The following LEPR variants were observed in gnomAD, a reference collection of about 807,000 sequenced individuals.
The protein encoded by LEPR is leptin receptor, also known as OB receptor.
In LEPR, 56 loss-of-function variants were observed where a neutral mutation model predicts 114.7. That is an observed-to-expected ratio of 0.49 (90% CI 0.39 to 0.61). The LOEUF (loss-of-function observed/expected upper bound fraction) is 0.61. Among genes scored for constraint, LEPR ranks in the 20% least tolerant of loss-of-function variants. The pLI is 0.00. For missense variants in LEPR, 1,202 were observed against 1,352.9 expected, an observed-to-expected ratio of 0.89 and a Z score of 1.75; for synonymous variants, 443 against 461.4, an observed-to-expected ratio of 0.96 and a Z score of 0.51.
chr1:65,506,100 T>G (rs1648713154), intron 2 of LEPR, among the ~76,000 whole-genome samples: 1 of 152,186 alleles, frequency 6.6e-6, no homozygotes, highest in African/African-American at 2.4e-5. Flanking sequence ...AACTGGAGTC[T>G]GGGAACCATT....
At chr1:65,497,087 G>A (rs928483501) in intron 2 of LEPR, among the ~76,000 whole-genome samples, 2 of 151,806 alleles carry the variant, frequency 1.3e-5, no homozygotes, top group Admixed American at 6.6e-5. Flanking sequence ...ATTTATCTGT[G>A]TATTCACAAA....
intron 2 of LEPR, among the ~76,000 whole-genome samples, chr1:65,551,456 G>A (rs1005624962): frequency 6.6e-6 from 1 of 152,050 alleles, no homozygotes; most frequent in Non-Finnish European, 1.5e-5. Flanking sequence ...ATGGGTCTAG[G>A]AATTTATCCA....
At chr1:65,595,159 C>A (rs1655973718) in intron 6 of LEPR, among the ~76,000 whole-genome samples, 1 of 122,090 alleles carries the variant, frequency 8.2e-6, no homozygotes, top group Non-Finnish European at 1.7e-5. Flanking sequence ...TTATTGGTTA[C>A]AAGAGCTTGC....
intron 2 of LEPR, among the ~76,000 whole-genome samples, chr1:65,522,163 C>A (rs1649668232): frequency 6.6e-6 from 1 of 152,108 alleles, no homozygotes; most frequent in South Asian, 2.1e-4. Flanking sequence ...GTCAGTTCAA[C>A]CACAAGCTTT....
At chr1:65,627,770 G>A (rs1251888312) in intron 19 of LEPR, among the ~76,000 whole-genome samples, 1 of 152,110 alleles carries the variant, frequency 6.6e-6, no homozygotes, top group Non-Finnish European at 1.5e-5. Flanking sequence ...AAGCAGACCA[G>A]AGGAGCCTAT....
Position 65,423,071 on chromosome 1 carries a change from A to G in LEPR, c.-96-2232A>G, listed in dbSNP as rs796839283. On this transcript the variant is annotated intron_variant, in intron 1 of 19. Transcript: ENST00000349533. Reference sequence around the variant, plus strand: ...GCAATCATGGTGTCAGTCCTCTAAGATAGGACCTTTAAAGTGTAGGGATAG... The same window carrying G: ...GCAATCATGGTGTCAGTCCTCTAAGGTAGGACCTTTAAAGTGTAGGGATAG... Among the ~76,000 whole-genome samples the G allele has an allele frequency of 2.0e-5, 3 of 152,274 alleles. No homozygotes were observed. In the South Asian group the frequency reaches 6.2e-4, roughly 32 times the overall value.
chr1:65,444,800 ATTG>A (rs1646693361), intron 2 of LEPR, among the ~76,000 whole-genome samples: 3 of 152,194 alleles, frequency 2.0e-5, no homozygotes, highest in African/African-American at 7.2e-5. Context: ...CTCTTGCTTT[ATTG>A]TTGTAATAAT....
At chr1:65,556,424 T>A (rs1273130838) in intron 2 of LEPR, among the ~76,000 whole-genome samples, 1 of 152,084 alleles carries the variant, frequency 6.6e-6, no homozygotes, top group Non-Finnish European at 1.5e-5. Flanking sequence ...ACTTGTGGAA[T>A]GTGCATTACA....
At chr1:65,626,200 C>A (rs1226514484) in intron 19 of LEPR, 2 of 1,600,038 alleles carry the variant, frequency 1.2e-6, no homozygotes, top group Non-Finnish European at 1.7e-6. Context: ...TCCTACCTCG[C>A]TGCCGCACCT....
At chr1:65,445,858 AT>A (rs1239276093) in intron 2 of LEPR, among the ~76,000 whole-genome samples, 1 of 152,224 alleles carries the variant, frequency 6.6e-6, no homozygotes, top group Non-Finnish European at 1.5e-5. Flanking sequence ...CTCTCTTAAC[AT>A]TTTAAGGACA....
intron 19 of LEPR, chr1:65,623,424 A>G (rs1205417734): frequency 6.5e-6 from 1 of 153,214 alleles, no homozygotes; most frequent in Non-Finnish European, 1.5e-5. Flanking sequence ...AATCTGAAAA[A>G]TGCAGTGATC....
chr1:65,455,182 T>G (rs899651815), intron 2 of LEPR, among the ~76,000 whole-genome samples: 1 of 152,212 alleles, frequency 6.6e-6, no homozygotes, highest in Non-Finnish European at 1.5e-5. Context: ...TTATGCATTC[T>G]TCTAAACTTT....
At chr1:65,616,702 C>T (rs1189489434) in intron 15 of LEPR, among the ~76,000 whole-genome samples, 1 of 152,038 alleles carries the variant, frequency 6.6e-6, no homozygotes, top group Non-Finnish European at 1.5e-5. Flanking sequence ...TTACTATGGA[C>T]TTCATTGAAT....
chr1:65,538,923 C>T (rs9660088), intron 2 of LEPR, among the ~76,000 whole-genome samples: 5,262 of 151,734 alleles, frequency 0.035, 300 homozygotes, highest in African/African-American at 0.12. Context: ...TGCCTTTTAT[C>T]GCTGGGAAAT....
intron 5 of LEPR, among the ~76,000 whole-genome samples, chr1:65,572,993 C>G (rs1226979757): frequency 6.6e-6 from 1 of 152,168 alleles, no homozygotes; most frequent in African/African-American, 2.4e-5. Flanking sequence ...ATGAACCATG[C>G]TGTGCCATGT....
At chr1:65,616,316 G>A (rs1014828316) in intron 15 of LEPR, 92 bp downstream of exon 15, 2 of 1,274,046 alleles carry the variant, frequency 1.6e-6, no homozygotes, top group Non-Finnish European at 2.2e-6. Context: ...CAAGCAGCCT[G>A]CAATTCTCTG....
intron 11 of LEPR, among the ~76,000 whole-genome samples, chr1:65,607,364 C>T (rs909101030): frequency 1.3e-5 from 2 of 152,162 alleles, no homozygotes; most frequent in Non-Finnish European, 2.9e-5. Flanking sequence ...AAGAGGAGGG[C>T]CATTCCAGCT....
At position 65,420,749 on chromosome 1, in the gene LEPR, C is replaced by T; in HGVS notation, c.-97+9C>T. ...CATGGCGGGCGTTAAAGGTACATCG[C>T]GGTCCCCGGCTCGCTTGTCGTGTGG... On this transcript the variant is annotated intron_variant, in intron 1 of 19. Transcript: ENST00000349533. The T allele has an allele frequency of 6.3e-7, 1 of 1,579,968 alleles. No individual in the cohort carries two copies. The highest frequency in any genetic ancestry group is 8.6e-7 in the Non-Finnish European group (1 of 1,165,004).
chr1:65,537,944 AAAGTT>A (rs1219709706), intron 2 of LEPR, among the ~76,000 whole-genome samples: 1 of 152,198 alleles, frequency 6.6e-6, no homozygotes, highest in African/African-American at 2.4e-5. Context: ...TCCTAGAATC[AAAGTT>A]AAGGAGATTC....
Sources: allele counts gnomAD v4.1 joint callset (sites outside exome capture counted in the v4.1 genomes callset), GRCh38; gene constraint gnomAD v4.1.1; transcripts MANE v1.5; gene names NCBI Gene and HGNC (gene_info 2026-07-23, HGNC 2026-07-21).